MINDY1: variants seen among roughly 807,000 people sequenced by gnomAD.
MINDY1 encodes MINDY lysine 48 deubiquitinase 1, also known as ubiquitin carboxyl-terminal hydrolase MINDY-1.
Under a neutral mutation model 53.6 loss-of-function variants are expected in MINDY1, and 50 were observed. The ratio of observed to expected loss-of-function variants is 0.93; its 90% confidence interval spans 0.74 to 1.18. MINDY1 has a LOEUF of 1.18. Ranked by LOEUF, MINDY1 falls within the 50% of genes most tolerant of loss-of-function variation. MINDY1 has a pLI of 0.00. For synonymous variants in MINDY1, 231 were observed against 234.7 expected (o/e 0.98, Z 0.14); for missense variants, 484 against 578.6 (o/e 0.84, Z 1.68).
upstream of MINDY1, among the ~76,000 whole-genome samples, chr1:151,007,777 T>C (rs1295487706): frequency 6.6e-6 from 1 of 152,158 alleles, no homozygotes; most frequent in Non-Finnish European, 1.5e-5. Context: ...GGAACCTAAC[T>C]CCACATTCTG....
chr1:150,999,367 A>G lies in MINDY1; in HGVS notation c.981+2T>C. On this transcript the variant is annotated splice_donor_variant, in intron 7 of 9. Coordinates refer to ENST00000683666, the MANE Select transcript of MINDY1 (RefSeq NM_001376665.1). LOFTEE classifies it high-confidence loss of function. This position sits in a 1 kb window ranked among gnomAD's most constrained non-coding sequence, Gnocchi z 4.4. The stretch of plus-strand genomic sequence containing the variant: ...AGCACGCCACCCCCAAACTCGCATT[A>G]CCTTATGCTTAGTCATGGTGCTAAA... 1 of 1,613,982 alleles carries G rather than the reference A, an allele frequency of 6.2e-7. No individual in the cohort carries two copies. The highest frequency in any genetic ancestry group is 8.5e-7 in the Non-Finnish European group (1 of 1,179,952).
chr1:150,997,851 A>G, intron 8 of MINDY1, 72 bp from the exon 9 acceptor site: 3 of 1,487,762 alleles, frequency 2.0e-6, no homozygotes, highest in Non-Finnish European at 2.7e-6. Flanking sequence ...TTTCCAAATC[A>G]GTTTTCCCAC....
intron 4 of MINDY1, 65 bp from the exon 5 acceptor site, chr1:151,000,680 C>T: frequency 6.6e-7 from 1 of 1,519,442 alleles, no homozygotes; most frequent in African/African-American, 1.4e-5. Flanking sequence ...CTCCCACCTG[C>T]AGAAATTAAA....
chr1:151,006,780 T>G lies in MINDY1; in HGVS notation c.-558A>C, dbSNP rs766033400. On this transcript the variant is annotated 5_prime_UTR_variant, in exon 1 of 10. Coordinates refer to ENST00000683666, the MANE Select transcript of MINDY1 (RefSeq NM_001376665.1). ...GCGCTGGTGGATTTCCATCAGGACT[T>G]TCTGACCCGGTCAGCAGCTTTGTGA... 1.3e-5 allele frequency: 13 copies of G among 985,632 alleles called. No homozygotes were observed. Among genetic ancestry groups the G allele is most frequent in the Non-Finnish European group, 1.6e-5 (13 of 830,082 alleles). 61.1% of individuals were successfully genotyped at this position (985,632 alleles called of 1,614,324 possible).
chr1:151,006,201 A>G, intron 1 of MINDY1, 111 bp downstream of exon 1: 1 of 1,549,254 alleles, frequency 6.5e-7, no homozygotes, highest in Non-Finnish European at 8.7e-7. Flanking sequence ...AGCAATCCAG[A>G]CTTGCAGACC....
chr1:150,999,969 T>C lies in MINDY1; in HGVS notation c.736-5A>G. 6.2e-7 allele frequency: 1 copy of C among 1,611,820 alleles called. No individual in the cohort carries two copies. Among genetic ancestry groups the C allele is most frequent in the Non-Finnish European group, 8.5e-7 (1 of 1,178,466 alleles). On this transcript the variant is annotated splice_region_variant and splice_polypyrimidine_tract_variant and intron_variant, in intron 5 of 9. Transcript: ENST00000683666. This position sits in a 1 kb window ranked among gnomAD's most constrained non-coding sequence, Gnocchi z 4.4. ...TGCACGCACAGCCTCAGGACTCTGC[T>C]TGGGTAGTGGGATGTGGGATACCAA...
intron 3 of MINDY1, 107 bp downstream of exon 3, chr1:151,001,618 C>A (rs1345069249): frequency 2.9e-6 from 4 of 1,371,900 alleles, no homozygotes; most frequent in Non-Finnish European, 4.0e-6. Flanking sequence ...ACCCTCCCTG[C>A]TGTATCAGAA....
chr1:151,000,746 CT>C, intron 4 of MINDY1, 131 bp from the exon 5 acceptor site: 2 of 966,324 alleles, frequency 2.1e-6, no homozygotes, highest in Non-Finnish European at 3.0e-6. Flanking sequence ...CCATTTCTCC[CT>C]TGCCTCAACC....
chr1:151,000,756 C>T, intron 4 of MINDY1, 141 bp from the exon 5 acceptor site: 1 of 879,368 alleles, frequency 1.1e-6, no homozygotes, highest in Non-Finnish European at 1.7e-6. Context: ...CTTGCCTCAA[C>T]CCTTCTCTAT....
intron 1 of MINDY1, among the ~76,000 whole-genome samples, chr1:151,003,986 G>A (rs1218362615): frequency 1.3e-5 from 2 of 151,482 alleles, no homozygotes; most frequent in Non-Finnish European, 2.9e-5. Flanking sequence ...GCAATGGTGC[G>A]ACCTCGGCTC....
At chr1:151,008,270 A>T, upstream of MINDY1, 1 of 1,217,812 alleles carries the variant, frequency 8.2e-7, no homozygotes, top group Non-Finnish European at 1.0e-6. Flanking sequence ...CGAACGACTG[A>T]TCCCTCAGAA....
In MINDY1 at chr1:150,999,764, C is replaced by T; in HGVS notation, c.838+98G>A. 2 of 1,152,806 alleles carry T rather than the reference C, an allele frequency of 1.7e-6. No individual in the cohort carries two copies. The highest frequency in any genetic ancestry group is 2.1e-5 in the Admixed American group (1 of 46,898). 71.4% of individuals were successfully genotyped at this position (1,152,806 alleles called of 1,614,324 possible). ...AAGCTCCTTCTTGTGAAGCTTATAT[C>T]TAGTGGGATGTGGTAGGAGATGACA... On this transcript the variant is annotated intron_variant, in intron 6 of 9. Transcript: ENST00000683666. This position sits in a 1 kb window ranked among gnomAD's most constrained non-coding sequence, Gnocchi z 4.4.
chr1:150,997,295 G>A lies in MINDY1; in HGVS notation c.1402C>T (p.Leu468=), dbSNP rs774523136. ...CTGGCACTGGGGCAGAGCTACAGCAGAATGCAGTCTGACTCGTGCTTCGGC... is the reference window on the plus strand; with the variant it reads ...CTGGCACTGGGGCAGAGCTACAGCAAAATGCAGTCTGACTCGTGCTTCGGC... ...QRPKHESDCI[L]L Residue 468 remains leucine, a synonymous_variant, in exon 10 of 10, where the codon CTG becomes TTG. Coordinates refer to ENST00000683666, the MANE Select transcript of MINDY1 (RefSeq NM_001376665.1). The A allele has an allele frequency of 6.3e-7, 1 of 1,591,556 alleles. No homozygotes were observed. Among genetic ancestry groups the A allele is most frequent in the South Asian group, 1.1e-5 (1 of 88,018 alleles).
chr1:150,998,309 G>T lies in MINDY1; in HGVS notation c.982-36C>A, dbSNP rs587630659. ...AAGAACAGAGCTCATTGGGGGGACAGTTGATACGGAGGCAGTTCACTGCCA... is the reference window on the plus strand; with the variant it reads ...AAGAACAGAGCTCATTGGGGGGACATTTGATACGGAGGCAGTTCACTGCCA... On this transcript the variant is annotated intron_variant, in intron 7 of 9. Transcript: ENST00000683666. 1.4e-5 allele frequency: 22 copies of T among 1,568,998 alleles called. No individual in the cohort carries two copies. The African/African-American group carries it at 2.7e-4, about 19-fold the overall frequency.
rs587744626 is a variant in MINDY1 at position 150,999,209 on chromosome 1, G to T, written c.981+160C>A. On this transcript the variant is annotated intron_variant, in intron 7 of 9. Coordinates refer to ENST00000683666, the MANE Select transcript of MINDY1 (RefSeq NM_001376665.1). The surrounding 1 kb of genome is among the most constrained non-coding windows in gnomAD (Gnocchi z 4.4). Reference sequence around the variant, plus strand: ...ACCGTAGCCAGTCCACAGTGGACACGCACCAGGAGCGGGAAATGAACCTTT... The same window carrying T: ...ACCGTAGCCAGTCCACAGTGGACACTCACCAGGAGCGGGAAATGAACCTTT... 6.6e-6 allele frequency among the ~76,000 whole-genome samples: 1 copy of T among 152,120 alleles called. No homozygotes were observed. The highest frequency in any genetic ancestry group is 1.5e-5 in the Non-Finnish European group (1 of 68,032).
In MINDY1 at chr1:150,999,276, A is replaced by G. The variant is rs1672247126; in HGVS notation, c.981+93T>C. 1 of 1,548,494 alleles carries G rather than the reference A, an allele frequency of 6.5e-7. No individual in the cohort carries two copies. The highest frequency in any genetic ancestry group is 1.4e-5 in the African/African-American group (1 of 73,126). On this transcript the variant is annotated intron_variant, in intron 7 of 9. Coordinates refer to ENST00000683666, the MANE Select transcript of MINDY1 (RefSeq NM_001376665.1). This position sits in a 1 kb window ranked among gnomAD's most constrained non-coding sequence, Gnocchi z 4.4. ...GGGATTTGAGGGGTCACTTGCTACC[A>G]CGGCTTAATCTAGCTGATCCCAGCT...
At chr1:151,008,041 T>G (rs1312012690), upstream of MINDY1, among the ~76,000 whole-genome samples, 1 of 152,194 alleles carries the variant, frequency 6.6e-6, no homozygotes, top group East Asian at 1.9e-4. Context: ...ATTCTAATGT[T>G]CTCCTAACAT....
chr1:151,003,017 G>T (rs1232622948), intron 1 of MINDY1: 20 of 1,090,856 alleles, frequency 1.8e-5, no homozygotes, highest in Non-Finnish European at 2.2e-5. Context: ...GAGAAAGGGA[G>T]AGCACAAAGG....
intron 1 of MINDY1, among the ~76,000 whole-genome samples, chr1:151,003,604 C>G (rs1672808393): frequency 1.3e-5 from 2 of 152,132 alleles, no homozygotes; most frequent in African/African-American, 4.8e-5. Flanking sequence ...GAGACAGGGT[C>G]TTGCTTTGTT....
Sources: allele counts gnomAD v4.1 joint callset (sites outside exome capture counted in the v4.1 genomes callset), GRCh38; gene constraint gnomAD v4.1.1; non-coding constraint Gnocchi (gnomAD v3.1); transcripts MANE v1.5; gene names NCBI Gene and HGNC (gene_info 2026-07-23, HGNC 2026-07-21).